Variants in RAB33A observed in about 807,000 individuals in gnomAD.
RAB33A encodes ras-related protein Rab-33A.
RAB33A carries 6 observed loss-of-function variants against 12.0 expected under a neutral mutation model. The ratio of observed to expected loss-of-function variants is 0.50; its 90% CI spans 0.27 to 0.99. The LOEUF (loss-of-function observed/expected upper bound fraction) is 0.99. RAB33A is among the 50% of genes least tolerant of loss of function. RAB33A has a pLI of 0.11. For synonymous variants in RAB33A, 70 were observed against 82.4 expected (o/e 0.85, Z 0.81); for missense variants, 109 against 192.0 (o/e 0.57, Z 2.55).
the RAB33A span, among the ~76,000 whole-genome samples, chrX:130,152,199 A>G: frequency 3.6e-5 from 4 of 112,171 alleles, no homozygotes; most frequent in Non-Finnish European, 7.5e-5. Context: ...GAAAAGAGAA[A>G]TAAACAGGGG....
the RAB33A span, chrX:130,165,835 G>C: frequency 4.0e-6 from 2 of 496,074 alleles, no homozygotes; most frequent in South Asian, 2.7e-5. Context: ...AGCCGGGGAA[G>C]GGGAACGGCG....
chrX:130,110,676 C>T, the RAB33A span: 1 of 108,181 alleles, frequency 9.2e-6, no homozygotes, highest in East Asian at 3.0e-4. Flanking sequence ...TCCCACACTT[C>T]GCGCCGCCAA....
In RAB33A at chrX:130,172,013, T is replaced by C; in HGVS notation, c.-50T>C. ...GAGCGCACGAACGTGGACGTTCTCT[T>C]TGTGTGGAGCCCTCAAGGGGGGTTG... On this transcript the variant is annotated 5_prime_UTR_variant, in exon 1 of 2. Coordinates refer to ENST00000257017, the MANE Select transcript of RAB33A (RefSeq NM_004794.3). 8.7e-7 allele frequency: 1 copy of C among 1,144,541 alleles called. No homozygotes were observed. Among genetic ancestry groups the C allele is most frequent in the Non-Finnish European group, 1.2e-6 (1 of 862,521 alleles). The allele number at this position is 1,144,541 out of a possible 1,213,427, so 94.3% of individuals were successfully genotyped here.
At chrX:130,139,979 G>T in the RAB33A span, 1 of 661,073 alleles carries the variant, frequency 1.5e-6, no homozygotes, top group Admixed American at 2.3e-5. Flanking sequence ...GCACCATGGC[G>T]GCAACAACAG....
At chrX:130,146,567 G>A in the RAB33A span, among the ~76,000 whole-genome samples, 1 of 109,557 alleles carries the variant, frequency 9.1e-6, no homozygotes, top group Non-Finnish European at 1.9e-5. Flanking sequence ...TGGAACTAGT[G>A]GGGGTGAGGG....
the RAB33A span, chrX:130,149,453 T>C: frequency 8.5e-7 from 1 of 1,182,124 alleles, no homozygotes; most frequent in Non-Finnish European, 1.2e-6. Flanking sequence ...ATAGCAAGAC[T>C]TAAGGGAATA....
chrX:130,147,391 A>G, the RAB33A span: 1 of 1,069,061 alleles, frequency 9.4e-7, no homozygotes. Context: ...GTGGACAGCC[A>G]AGCCATCCCT....
At chrX:130,162,582 C>G in the RAB33A span, among the ~76,000 whole-genome samples, 1 of 112,184 alleles carries the variant, frequency 8.9e-6, no homozygotes, top group Non-Finnish European at 1.9e-5. Flanking sequence ...TTCTGCAAAG[C>G]CTTGTCTCAG....
At chrX:130,165,918 G>A in the RAB33A span, 1 of 405,495 alleles carries the variant, frequency 2.5e-6, no homozygotes, top group Non-Finnish European at 4.4e-6. Flanking sequence ...GAGGATTTGC[G>A]CATGCACTAG....
chrX:130,125,041 G>A, the RAB33A span, among the ~76,000 whole-genome samples: 2 of 111,475 alleles, frequency 1.8e-5, no homozygotes, highest in African/African-American at 3.3e-5. Context: ...ATTATGGAGC[G>A]GTCTTGTTTT....
At chrX:130,168,172 A>G (rs1453650510), upstream of RAB33A, among the ~76,000 whole-genome samples, 6 of 106,466 alleles carry the variant, frequency 5.6e-5, no homozygotes, top group African/African-American at 2.1e-4. Flanking sequence ...GCGAGACCCT[A>G]TTTCAAAAAA....
the RAB33A span, chrX:130,133,530 G>T: frequency 6.1e-6 from 7 of 1,142,434 alleles, no homozygotes; most frequent in African/African-American, 1.3e-4. Context: ...TATAAACTTT[G>T]GGGGCTCAAA....
the RAB33A span, among the ~76,000 whole-genome samples, chrX:130,142,245 T>C: frequency 9.0e-6 from 1 of 111,320 alleles, no homozygotes; most frequent in Admixed American, 9.5e-5. Context: ...TCTAGTCAGG[T>C]TGGGTTGGGT....
At chrX:130,141,282 G>GT in the RAB33A span, among the ~76,000 whole-genome samples, 1 of 111,841 alleles carries the variant, frequency 8.9e-6, no homozygotes, top group African/African-American at 3.2e-5. Flanking sequence ...CTGGTACCCA[G>GT]TTTTTTTAGG....
chrX:130,131,566 G>C, the RAB33A span: 2 of 1,065,678 alleles, frequency 1.9e-6, no homozygotes, highest in Non-Finnish European at 2.6e-6. Context: ...AACATGAAGA[G>C]AGGCTTTCAC....
At chrX:130,159,107 T>C in the RAB33A span, among the ~76,000 whole-genome samples, 4 of 111,982 alleles carry the variant, frequency 3.6e-5, no homozygotes. Flanking sequence ...GTTAAACATA[T>C]TAATATGACC....
At chrX:130,135,439 T>TAA in the RAB33A span, among the ~76,000 whole-genome samples, 9,387 of 72,845 alleles carry the variant, frequency 0.13, 659 homozygotes, top group Non-Finnish European at 0.17. Flanking sequence ...TTTTTTTTTT[T>TAA]AAAAAAAAAA....
chrX:130,113,074 C>CTTTT, the RAB33A span, among the ~76,000 whole-genome samples: 1 of 55,375 alleles, frequency 1.8e-5, no homozygotes, highest in Non-Finnish European at 3.1e-5. Context: ...TTTTTTTTTC[C>CTTTT]TTCTTTTTTT....
At chrX:130,131,996 C>T in the RAB33A span, among the ~76,000 whole-genome samples, 1 of 111,366 alleles carries the variant, frequency 9.0e-6, no homozygotes, top group South Asian at 3.8e-4. Flanking sequence ...CCTCAGCCTC[C>T]TGAGTAGCTG....
Sources: allele counts gnomAD v4.1 joint callset (sites outside exome capture counted in the v4.1 genomes callset), GRCh38; gene constraint gnomAD v4.1.1; transcripts MANE v1.5; gene names NCBI Gene and HGNC (gene_info 2026-07-23, HGNC 2026-07-21).